NRIP1: variants seen among roughly 807,000 people sequenced by gnomAD.
The protein encoded by NRIP1 is nuclear receptor interacting protein 1, also known as nuclear receptor-interacting protein 1.
In NRIP1, 28 loss-of-function variants were observed where a neutral mutation model predicts 75.0. The observed-to-expected ratio is 0.37, with a 90% CI of 0.28 to 0.51. NRIP1 has a LOEUF of 0.51. NRIP1 is among the 20% of genes least tolerant of loss of function. The pLI is 0.92. For missense variants in NRIP1, 1,435 were observed against 1,343.7 expected, an observed-to-expected ratio of 1.07 and a Z score of -1.06; for synonymous variants, 526 against 487.6, an observed-to-expected ratio of 1.08 and a Z score of -1.04.
At chr21:14,977,341 A>C (rs1454258128) in intron 3 of NRIP1, among the ~76,000 whole-genome samples, 1 of 152,228 alleles carries the variant, frequency 6.6e-6, no homozygotes, top group Non-Finnish European at 1.5e-5. Context: ...TTTGAAAGGA[A>C]GTTTTAAAAG....
intron 2 of NRIP1, among the ~76,000 whole-genome samples, chr21:15,032,461 T>C (rs567131656): frequency 6.6e-6 from 1 of 152,158 alleles, no homozygotes; most frequent in African/African-American, 2.4e-5. Context: ...TTAGTAGCTG[T>C]CATTTTTGAA....
chr21:15,042,954 C>T (rs991883811), intron 2 of NRIP1, among the ~76,000 whole-genome samples: 1 of 152,260 alleles, frequency 6.6e-6, no homozygotes, highest in Non-Finnish European at 1.5e-5. Context: ...TATGCTATAC[C>T]AATCTATCCA....
chr21:15,043,756 C>T (rs969742342), intron 1 of NRIP1, among the ~76,000 whole-genome samples, 182 bp from the exon 2 acceptor site: 11 of 152,140 alleles, frequency 7.2e-5, no homozygotes, highest in African/African-American at 2.4e-4. Flanking sequence ...AGTTGTTGAC[C>T]ACATGTAACA....
intron 2 of NRIP1, among the ~76,000 whole-genome samples, chr21:15,019,397 AC>A (rs1387005521): frequency 6.7e-6 from 1 of 149,446 alleles, no homozygotes; most frequent in Non-Finnish European, 1.5e-5. Context: ...TAAGGACTCT[AC>A]AAGAAACCCA....
At position 14,964,954 on chromosome 21, in the gene NRIP1, G is replaced by T. The variant is rs147310650; in HGVS notation, c.3239C>A (p.Thr1080Asn). ...YMLQKGGNSVTSRETQDKDIW... is the reference protein window; with the variant it reads ...YMLQKGGNSVNSRETQDKDIW... ...GTCCTTGTCTTGTGTTTCTCGACTGGTAACAGAATTGCCTCCTTTTTGAAG... is the reference window on the plus strand; with the variant it reads ...GTCCTTGTCTTGTGTTTCTCGACTGTTAACAGAATTGCCTCCTTTTTGAAG... The change falls in exon 4 of 4, where the codon ACC (threonine) becomes AAC (asparagine). Residue 1080 changes from threonine to asparagine, a missense_variant. Thr to Asn is a moderately conservative substitution (Grantham distance 65). Coordinates refer to ENST00000318948, the MANE Select transcript of NRIP1 (RefSeq NM_003489.4). The T allele has an allele frequency of 6.2e-7, 1 of 1,613,930 alleles. No homozygotes were observed. Among genetic ancestry groups the T allele is most frequent in the East Asian group, 2.2e-5 (1 of 44,886 alleles).
chr21:15,036,298 C>T (rs1316154786), intron 2 of NRIP1, among the ~76,000 whole-genome samples: 9 of 152,162 alleles, frequency 5.9e-5, no homozygotes, highest in Non-Finnish European at 1.3e-4. Flanking sequence ...AAGGGTATCC[C>T]AATTGCACAT....
intron 1 of NRIP1, among the ~76,000 whole-genome samples, chr21:15,057,314 A>G (rs2089327869): frequency 6.6e-6 from 1 of 152,236 alleles, no homozygotes; most frequent in African/African-American, 2.4e-5. Flanking sequence ...TAAGACCATG[A>G]CAAGCTATTT....
chr21:15,015,441 T>C (rs1043573933), intron 2 of NRIP1, among the ~76,000 whole-genome samples: 5 of 152,190 alleles, frequency 3.3e-5, no homozygotes, highest in African/African-American at 9.6e-5. Context: ...ACATGTTATA[T>C]GTCCGTTGAT....
chr21:14,997,574 T>C (rs1471618303), intron 3 of NRIP1, among the ~76,000 whole-genome samples: 1 of 151,982 alleles, frequency 6.6e-6, no homozygotes, highest in Admixed American at 6.6e-5. Flanking sequence ...TCAAGTCGTC[T>C]GTTATTAACA....
intron 3 of NRIP1, among the ~76,000 whole-genome samples, chr21:14,996,758 C>T (rs2087740119): frequency 1.3e-5 from 2 of 152,116 alleles, no homozygotes; most frequent in Admixed American, 6.6e-5. Context: ...CACGTCATTA[C>T]TCTTAGTTGC....
rs190257467 is a variant in NRIP1 at position 15,012,609 on chromosome 21, C to T, written c.-335+1735G>A. Among the ~76,000 whole-genome samples, 57 of 152,066 alleles carry T rather than the reference C, an allele frequency of 3.7e-4. No individual in the cohort carries two copies. The East Asian group carries it at 7.6e-3, about 20-fold the overall frequency. On this transcript the variant is annotated intron_variant, in intron 3 of 3. Coordinates refer to ENST00000318948, the MANE Select transcript of NRIP1 (RefSeq NM_003489.4). ...CTGGGACTACAGGCACGCGCTACCA[C>T]ACCTGGCTAATATTTGTATTTTTAG...
At position 14,966,178 on chromosome 21, in the gene NRIP1, G is replaced by A; in HGVS notation, c.2015C>T (p.Pro672Leu). The A allele has an allele frequency of 6.2e-7, 1 of 1,613,618 alleles. No homozygotes were observed. Among genetic ancestry groups the A allele is most frequent in the African/African-American group, 1.3e-5 (1 of 75,006 alleles). Residue 672 changes from proline to leucine, a missense_variant, in exon 4 of 4, where the codon CCT becomes CTT. By Grantham distance (98) the Pro-to-Leu change is moderately conservative (BLOSUM62 -3). Coordinates refer to ENST00000318948, the MANE Select transcript of NRIP1 (RefSeq NM_003489.4). The part of the protein sequence containing the change: ...PIGMIDRLNS[P>L]LLSNKTNAVE... ...TGCATTTGTTTTATTTGAGAGCAAA[G>A]GGCTATTTAATCTATCAATCATACC...
intron 1 of NRIP1, among the ~76,000 whole-genome samples, chr21:15,053,990 T>C (rs1261640572): frequency 1.3e-5 from 2 of 152,228 alleles, no homozygotes; most frequent in Non-Finnish European, 2.9e-5. Flanking sequence ...TAGAAATCTC[T>C]GAGCTCCATT....
chr21:15,059,162 T>C (rs1303810826), intron 1 of NRIP1, among the ~76,000 whole-genome samples: 1 of 151,990 alleles, frequency 6.6e-6, no homozygotes, highest in Non-Finnish European at 1.5e-5. Flanking sequence ...GTCCCAGGAG[T>C]AGCTTAAGCG....
chr21:15,018,930 T>G (rs1488909765), intron 2 of NRIP1, among the ~76,000 whole-genome samples: 1 of 152,060 alleles, frequency 6.6e-6, no homozygotes, highest in African/African-American at 2.4e-5. Context: ...AATTCCACCT[T>G]CCACTATTAA....
At chr21:15,031,162 T>A (rs1392764442) in intron 2 of NRIP1, among the ~76,000 whole-genome samples, 2 of 136,022 alleles carry the variant, frequency 1.5e-5, no homozygotes, top group Non-Finnish European at 3.2e-5. Flanking sequence ...CCACATTCCC[T>A]TTCTATGTGT....
rs188485103 is a variant in NRIP1, at chr21:14,968,256, G to A, written c.-64C>T. 9.3e-5 allele frequency: 103 copies of A among 1,112,136 alleles called. No individual in the cohort carries two copies. The highest frequency in any genetic ancestry group is 5.5e-4 in the South Asian group (36 of 65,598). 68.9% of individuals were successfully genotyped at this position (1,112,136 alleles called of 1,614,324 possible). A position where few individuals can be genotyped will look rare whatever the true frequency, so the allele number is the denominator to read the frequency against. ...ACTTTAAAGAATGGTTTTCTGTGGT[G>A]AGTGCGATGTAACTTTAATAAAGGA... On this transcript the variant is annotated 5_prime_UTR_variant, in exon 4 of 4. Coordinates refer to ENST00000318948, the MANE Select transcript of NRIP1 (RefSeq NM_003489.4).
At chr21:15,023,449 A>G (rs937223757) in intron 2 of NRIP1, among the ~76,000 whole-genome samples, 1 of 152,212 alleles carries the variant, frequency 6.6e-6, no homozygotes, top group African/African-American at 2.4e-5. Flanking sequence ...CAAACAGAAA[A>G]CAACATTTAA....
At chr21:15,059,484 T>C (rs1051505358) in intron 1 of NRIP1, among the ~76,000 whole-genome samples, 1 of 151,680 alleles carries the variant, frequency 6.6e-6, no homozygotes, top group Admixed American at 6.6e-5. Flanking sequence ...CTATTATTAT[T>C]TTTTTTTGCT....
Sources: allele counts gnomAD v4.1 joint callset (sites outside exome capture counted in the v4.1 genomes callset), GRCh38; gene constraint gnomAD v4.1.1; transcripts MANE v1.5; gene names NCBI Gene and HGNC (gene_info 2026-07-23, HGNC 2026-07-21).